Variants in GRIK4 observed in about 807,000 individuals in gnomAD.
GRIK4 encodes glutamate receptor ionotropic, kainate 4.
In GRIK4, 40 loss-of-function variants were observed where a neutral mutation model predicts 104.9. That is an observed-to-expected ratio of 0.38 (90% CI 0.30 to 0.50). GRIK4 has a LOEUF of 0.50. GRIK4 is among the 20% of genes least tolerant of loss of function. GRIK4 has a pLI of 0.93. For missense variants in GRIK4, 1,047 were observed against 1,308.1 expected, an observed-to-expected ratio of 0.80 and a Z score of 3.08; for synonymous variants, 485 against 524.9, an observed-to-expected ratio of 0.92 and a Z score of 1.04.
chr11:120,515,126 C>G (rs1947710171), intron 1 of GRIK4: 2 of 440,818 alleles, frequency 4.5e-6, no homozygotes, highest in African/African-American at 4.0e-5. Flanking sequence ...CTTGTCCCCC[C>G]TCCCCTGGCC....
intron 3 of GRIK4, among the ~76,000 whole-genome samples, chr11:120,708,184 C>G (rs1003654452): frequency 6.6e-6 from 1 of 152,070 alleles, no homozygotes; most frequent in African/African-American, 2.4e-5. Context: ...ATACTTAGAA[C>G]CCTGAGGGAC....
chr11:120,652,411 C>T (rs1350776582), intron 1 of GRIK4, among the ~76,000 whole-genome samples: 2 of 152,112 alleles, frequency 1.3e-5, no homozygotes, highest in African/African-American at 4.8e-5. Context: ...AGAGAGGACA[C>T]CTAGAAAGTG....
intron 1 of GRIK4, among the ~76,000 whole-genome samples, chr11:120,584,099 T>C (rs1948624658): frequency 6.6e-6 from 1 of 152,246 alleles, no homozygotes; most frequent in Non-Finnish European, 1.5e-5. Context: ...TTAACAGCTC[T>C]AGGAGCTTTT....
At position 120,819,677 on chromosome 11, in the gene GRIK4, C is replaced by T. The variant is rs1207653026; in HGVS notation, c.346-78C>T. The T allele has an allele frequency of 5.1e-6, 7 of 1,385,058 alleles. No individual in the cohort carries two copies. In the East Asian group the frequency reaches 9.2e-5, roughly 18 times the overall value. The allele number at this position is 1,385,058 out of a possible 1,614,324, so 85.8% of individuals were successfully genotyped here. A position where few individuals can be genotyped will look rare whatever the true frequency, so the allele number is the denominator to read the frequency against. ...CATAAAAGAACTCACCCTCCACAAC[C>T]TCAGCTCACTCATCCCTCTTTCTTC... is the stretch of plus-strand genomic sequence containing the variant. On this transcript the variant is annotated intron_variant, in intron 5 of 20. Transcript: ENST00000527524. This position sits in a 1 kb window ranked among gnomAD's most constrained non-coding sequence, Gnocchi z 4.3.
chr11:120,856,884 C>A (rs1366339628), intron 8 of GRIK4, among the ~76,000 whole-genome samples: 2 of 152,184 alleles, frequency 1.3e-5, no homozygotes, highest in African/African-American at 4.8e-5. Flanking sequence ...AATCCCACCC[C>A]CAGTGATGGG....
intron 8 of GRIK4, among the ~76,000 whole-genome samples, chr11:120,844,595 G>A (rs931012190): frequency 5.3e-5 from 8 of 152,178 alleles, no homozygotes; most frequent in Non-Finnish European, 8.8e-5. Flanking sequence ...CAGGAATTCA[G>A]TTCATCCCAA....
chr11:120,796,643 G>T (rs1286929532), intron 3 of GRIK4, among the ~76,000 whole-genome samples: 1 of 152,106 alleles, frequency 6.6e-6, no homozygotes, highest in Non-Finnish European at 1.5e-5. Flanking sequence ...CAAAGGCATG[G>T]AGGAGAGTTA....
chr11:120,878,877 A>G (rs1954888721), intron 11 of GRIK4, among the ~76,000 whole-genome samples: 1 of 152,174 alleles, frequency 6.6e-6, no homozygotes, highest in Non-Finnish European at 1.5e-5. Context: ...AAGGAATGTC[A>G]ATATCTCTGC....
In GRIK4 at chr11:120,986,270, C is replaced by A; in HGVS notation, c.*10C>A. ...CAGCGAGCCCGAGTAGTCCCGGAGG[C>A]CACAGGACGCGCAGAGGCCGGGCGG... On this transcript the variant is annotated 3_prime_UTR_variant, in exon 21 of 21. Transcript: ENST00000527524. 6.5e-7 allele frequency: 1 copy of A among 1,546,268 alleles called. No homozygotes were observed.
chr11:120,770,030 A>G (rs897659892), intron 3 of GRIK4, among the ~76,000 whole-genome samples: 10 of 152,308 alleles, frequency 6.6e-5, no homozygotes, highest in African/African-American at 2.2e-4. Flanking sequence ...ACCCAAACCC[A>G]TACATTTTAG....
chr11:120,624,455 T>G (rs1013480825), intron 1 of GRIK4, among the ~76,000 whole-genome samples: 1 of 152,110 alleles, frequency 6.6e-6, no homozygotes, highest in South Asian at 2.1e-4. Context: ...CCCTTTGGCC[T>G]CCTCCTTGTC....
chr11:120,733,842 A>G (rs972467116), intron 3 of GRIK4, among the ~76,000 whole-genome samples: 3 of 150,866 alleles, frequency 2.0e-5, no homozygotes, highest in Non-Finnish European at 2.9e-5. Context: ...GGTTCAAATG[A>G]TTCTCCTGCC....
chr11:120,824,319 G>A (rs1953198691), intron 6 of GRIK4, among the ~76,000 whole-genome samples: 1 of 152,116 alleles, frequency 6.6e-6, no homozygotes, highest in African/African-American at 2.4e-5. Flanking sequence ...TGGTCCTCCT[G>A]GTCAGAGCTC....
At chr11:120,951,887 G>A (rs1944009505) in intron 14 of GRIK4, among the ~76,000 whole-genome samples, 1 of 152,204 alleles carries the variant, frequency 6.6e-6, no homozygotes, top group Admixed American at 6.5e-5. Context: ...ATACAAACTA[G>A]GTAGATGCTG....
chr11:120,685,960 C>T (rs554600467), intron 3 of GRIK4, among the ~76,000 whole-genome samples: 2 of 152,208 alleles, frequency 1.3e-5, no homozygotes, highest in African/African-American at 4.8e-5. Context: ...TCCAGCTGTG[C>T]GCAGAGTTCA....
chr11:120,751,494 G>A (rs924058419), intron 3 of GRIK4, among the ~76,000 whole-genome samples: 1 of 152,162 alleles, frequency 6.6e-6, no homozygotes, highest in African/African-American at 2.4e-5. Flanking sequence ...ATAAGCCTGT[G>A]CTCTGAGAGG....
chr11:120,745,871 G>A (rs998661554), intron 3 of GRIK4, among the ~76,000 whole-genome samples: 6 of 152,206 alleles, frequency 3.9e-5, no homozygotes, highest in African/African-American at 1.2e-4. Flanking sequence ...CAGGAGGGTA[G>A]TGATGAGCCC....
At chr11:120,630,770 C>T (rs947419664) in intron 1 of GRIK4, among the ~76,000 whole-genome samples, 1 of 152,180 alleles carries the variant, frequency 6.6e-6, no homozygotes, top group African/African-American at 2.4e-5. Flanking sequence ...GGATGTTGGA[C>T]AGTGTGATGT....
At chr11:120,748,329 GTCT>G (rs1210796490) in intron 3 of GRIK4, among the ~76,000 whole-genome samples, 2 of 152,036 alleles carry the variant, frequency 1.3e-5, no homozygotes, top group Admixed American at 6.5e-5. Context: ...AATTGATTCT[GTCT>G]TCTTCTTGCA....
Sources: allele counts gnomAD v4.1 joint callset (sites outside exome capture counted in the v4.1 genomes callset), GRCh38; gene constraint gnomAD v4.1.1; non-coding constraint Gnocchi (gnomAD v3.1); transcripts MANE v1.5; gene names NCBI Gene and HGNC (gene_info 2026-07-23, HGNC 2026-07-21).